The following MTF1 variants were observed in gnomAD, a reference collection of about 807,000 sequenced individuals.
The protein encoded by MTF1 is MRE-binding transcription factor.
Under a neutral mutation model 70.4 loss-of-function variants are expected in MTF1, and 22 were observed. The observed-to-expected ratio is 0.31, with a 90% CI of 0.22 to 0.45. The LOEUF (loss-of-function observed/expected upper bound fraction) is 0.45, where lower values mean the gene tolerates loss of function less well. MTF1 is among the 20% of genes least tolerant of loss of function. The pLI, the probability that MTF1 is intolerant of heterozygous loss-of-function variation, is 1.00. For missense variants in MTF1, 649 were observed against 922.0 expected, an observed-to-expected ratio of 0.70 and a Z score of 3.83; for synonymous variants, 333 against 352.8, an observed-to-expected ratio of 0.94 and a Z score of 0.63.
Position 37,838,681 on chromosome 1 carries a change from G to A in MTF1, c.723C>T (p.Thr241=), listed in dbSNP as rs1411126370. The A allele has an allele frequency of 1.9e-6, 3 of 1,612,424 alleles. No individual in the cohort carries two copies. The highest frequency in any genetic ancestry group is 3.3e-5 in the Admixed American group (2 of 59,972). Residue 241 remains threonine, a synonymous_variant, in exon 4 of 11, where the codon ACC becomes ACT. Coordinates refer to ENST00000373036, the MANE Select transcript of MTF1 (RefSeq NM_005955.3). ...CESEGCSKYF[T]TLSDLRKHIR... ...TGTGCTTCCTCAGATCACTGAGTGT[G>A]GTGAAGTATTTGCTGCAGCCTTCAG...
chr1:37,835,630 T>C, intron 5 of MTF1, 41 bp downstream of exon 5: 2 of 1,462,406 alleles, frequency 1.4e-6, no homozygotes, highest in East Asian at 2.3e-5. Context: ...GGAAAATTGA[T>C]AGTTACAGGC....
chr1:37,857,799 A>T, intron 1 of MTF1, 90 bp from the exon 2 acceptor site: 1 of 721,688 alleles, frequency 1.4e-6, no homozygotes, highest in Non-Finnish European at 2.3e-6. Context: ...CTCTCACTTA[A>T]AGAGCAAGCC....
chr1:37,851,758 A>G (rs1218675420), intron 2 of MTF1, among the ~76,000 whole-genome samples: 1 of 152,034 alleles, frequency 6.6e-6, no homozygotes, highest in Non-Finnish European at 1.5e-5. Context: ...TTAGGTCCTA[A>G]ACTATGTCCA....
intron 2 of MTF1, among the ~76,000 whole-genome samples, chr1:37,850,055 G>A (rs972149091): frequency 6.6e-6 from 1 of 151,466 alleles, no homozygotes; most frequent in Non-Finnish European, 1.5e-5. Flanking sequence ...CCAGCCCATA[G>A]TGAGACCCCT....
chr1:37,816,502 T>C (rs1434675379), intron 10 of MTF1, among the ~76,000 whole-genome samples: 3 of 151,896 alleles, frequency 2.0e-5, no homozygotes, highest in African/African-American at 4.8e-5. Flanking sequence ...TGGTGAAACC[T>C]TGTCTCTACT....
Position 37,842,205 on chromosome 1 carries a change from C to T in MTF1, c.409-2047G>A, listed in dbSNP as rs140591335. Among the ~76,000 whole-genome samples, 728 of 152,092 alleles carry T rather than the reference C, an allele frequency of 4.8e-3. 10 individuals carry two copies. Among genetic ancestry groups the T allele is most frequent in the African/African-American group, 0.016 (651 of 41,498 alleles). ...TCCACTTGAGTCTGGAAGGCTGAGG[C>T]TGCAGTGAGCTATGATCACACCACT... On this transcript the variant is annotated intron_variant, in intron 2 of 10. Coordinates refer to ENST00000373036, the MANE Select transcript of MTF1 (RefSeq NM_005955.3).
intron 10 of MTF1, among the ~76,000 whole-genome samples, chr1:37,816,096 G>A (rs989771921): frequency 1.3e-5 from 2 of 152,130 alleles, no homozygotes; most frequent in Non-Finnish European, 2.9e-5. Flanking sequence ...CTCTCCTTGC[G>A]GTACAGGACC....
chr1:37,842,952 G>A (rs372363113), intron 2 of MTF1, among the ~76,000 whole-genome samples: 2 of 152,314 alleles, frequency 1.3e-5, no homozygotes, highest in Admixed American at 1.3e-4. Context: ...CTAAATGAAA[G>A]GTGAAGTGGA....
At chr1:37,819,951 CAAAAAAAAAAA>C (rs766621404) in intron 9 of MTF1, among the ~76,000 whole-genome samples, 22 of 82,692 alleles carry the variant, frequency 2.7e-4, no homozygotes, top group East Asian at 7.1e-4. Flanking sequence ...GACTCTGACT[CAAAAAAAAAAA>C]AAAAAAAAAA....
intron 9 of MTF1, among the ~76,000 whole-genome samples, chr1:37,819,951 C>CAAAAAAAAAAAAAAAAAAAAAAAAA (rs766621404): frequency 1.2e-5 from 1 of 82,682 alleles, no homozygotes; most frequent in African/African-American, 5.8e-5. Flanking sequence ...GACTCTGACT[C>CAAAAAAAAAAAAAAAAAAAAAAAAA]AAAAAAAAAA....
At chr1:37,819,951 C>CAAAAAAAAAAAA (rs766621404) in intron 9 of MTF1, among the ~76,000 whole-genome samples, 1 of 82,682 alleles carries the variant, frequency 1.2e-5, no homozygotes, top group African/African-American at 5.8e-5. Context: ...GACTCTGACT[C>CAAAAAAAAAAAA]AAAAAAAAAA....
rs1464828940 is a variant in MTF1, at chr1:37,811,879, C to T, written c.*3257G>A. On this transcript the variant is annotated 3_prime_UTR_variant, in exon 11 of 11. Coordinates refer to ENST00000373036, the MANE Select transcript of MTF1 (RefSeq NM_005955.3). ...TTCTGTCACCAAACTGGTGGTGCCCCCATGAGACTGGCCAGACCCTGCCAG... is the reference window on the plus strand; with the variant it reads ...TTCTGTCACCAAACTGGTGGTGCCCTCATGAGACTGGCCAGACCCTGCCAG... 6.6e-6 allele frequency: 1 copy of T among 152,656 alleles called. No individual in the cohort carries two copies. The highest frequency in any genetic ancestry group is 1.9e-4 in the East Asian group (1 of 5,200). 9.5% of individuals were successfully genotyped at this position (152,656 alleles called of 1,614,324 possible).
At chr1:37,837,903 T>C (rs1431050832) in intron 4 of MTF1, among the ~76,000 whole-genome samples, 4 of 152,342 alleles carry the variant, frequency 2.6e-5, no homozygotes, top group African/African-American at 9.6e-5. Flanking sequence ...AAAAATGTCA[T>C]ATAATCATCC....
chr1:37,832,162 T>C (rs1641096506), intron 7 of MTF1, 83 bp downstream of exon 7: 1 of 870,504 alleles, frequency 1.1e-6, no homozygotes, highest in African/African-American at 1.7e-5. Flanking sequence ...CTTCAAAGAC[T>C]GGCCTGCCTC....
intron 9 of MTF1, among the ~76,000 whole-genome samples, chr1:37,820,699 A>G (rs182858692): frequency 6.6e-6 from 1 of 152,364 alleles, no homozygotes; most frequent in African/African-American, 2.4e-5. Flanking sequence ...TGGTAGATAC[A>G]TGACATTATG....
At chr1:37,823,207 G>A (rs1225993828) in intron 8 of MTF1, among the ~76,000 whole-genome samples, 2 of 152,064 alleles carry the variant, frequency 1.3e-5, no homozygotes, top group African/African-American at 2.4e-5. Flanking sequence ...AGGCTGAGGC[G>A]GGTGGATTGC....
chr1:37,851,989 C>T (rs959961244), intron 2 of MTF1, among the ~76,000 whole-genome samples: 4 of 152,092 alleles, frequency 2.6e-5, no homozygotes, highest in African/African-American at 9.7e-5. Flanking sequence ...GATATGTGAA[C>T]AACTGCACAA....
At chr1:37,841,003 G>A in intron 2 of MTF1, 2 of 217,928 alleles carry the variant, frequency 9.2e-6, no homozygotes, top group South Asian at 6.1e-5. Flanking sequence ...TCACCAAGCT[G>A]GGCTGCCTGG....
At chr1:37,823,901 T>A in intron 7 of MTF1, 89 bp from the exon 8 acceptor site, 2 of 951,288 alleles carry the variant, frequency 2.1e-6, no homozygotes, top group South Asian at 1.4e-5. Context: ...AGAACTAGAA[T>A]GAAAATCTTT....
Sources: allele counts gnomAD v4.1 joint callset (sites outside exome capture counted in the v4.1 genomes callset), GRCh38; gene constraint gnomAD v4.1.1; transcripts MANE v1.5; gene names NCBI Gene and HGNC (gene_info 2026-07-23, HGNC 2026-07-21).